The following FBXW7 variants were observed in gnomAD, a reference collection of about 807,000 sequenced individuals.
The protein encoded by FBXW7 is F-box/WD repeat-containing protein 7.
In FBXW7, 11 loss-of-function variants were observed where a neutral mutation model predicts 86.3. The observed-to-expected ratio is 0.13, with a 90% confidence interval of 0.08 to 0.21. The LOEUF (loss-of-function observed/expected upper bound fraction) is 0.21. FBXW7 is among the 10% of genes least tolerant of loss of function. The pLI is 1.00. For missense variants in FBXW7, 488 were observed against 847.4 expected (o/e 0.58, Z 5.27); for synonymous variants, 313 against 297.9 (o/e 1.05, Z -0.52).
intron 2 of FBXW7, among the ~76,000 whole-genome samples, chr4:152,500,496 CAAAAAAAAAAAA>C (rs34375454): frequency 1.4e-5 from 1 of 73,094 alleles, no homozygotes; most frequent in Non-Finnish European, 2.8e-5. Context: ...GCTTTGTCAG[CAAAAAAAAAAAA>C]AAAAAAAAAA....
At chr4:152,426,734 C>CAGG (rs1267553211) in intron 2 of FBXW7, among the ~76,000 whole-genome samples, 1 of 152,148 alleles carries the variant, frequency 6.6e-6, no homozygotes, top group African/African-American at 2.4e-5. Flanking sequence ...GGCCCTCAGC[C>CAGG]AGGACTACAG....
At chr4:152,376,597 T>A (rs1734542697) in intron 4 of FBXW7, among the ~76,000 whole-genome samples, 1 of 152,106 alleles carries the variant, frequency 6.6e-6, no homozygotes, top group African/African-American at 2.4e-5. Context: ...GATTAAAATT[T>A]TGAATATAGG....
At chr4:152,460,455 C>T (rs2149629572) in intron 2 of FBXW7, among the ~76,000 whole-genome samples, 1 of 152,150 alleles carries the variant, frequency 6.6e-6, no homozygotes, top group East Asian at 1.9e-4. Context: ...TGGTACTTGC[C>T]ATCTGGTGCC....
intron 2 of FBXW7, among the ~76,000 whole-genome samples, chr4:152,456,268 C>G (rs951034403): frequency 5.3e-5 from 8 of 149,980 alleles, no homozygotes; most frequent in African/African-American, 1.7e-4. Flanking sequence ...AATCCCTGCA[C>G]TTCTGGAGGC....
At chr4:152,423,002 T>C (rs1210148647) in intron 2 of FBXW7, among the ~76,000 whole-genome samples, 3 of 152,190 alleles carry the variant, frequency 2.0e-5, no homozygotes, top group African/African-American at 4.8e-5. Flanking sequence ...TATTTACACA[T>C]AATGCAATTC....
At chr4:152,473,067 C>A (rs1341369193) in intron 2 of FBXW7, among the ~76,000 whole-genome samples, 1 of 152,042 alleles carries the variant, frequency 6.6e-6, no homozygotes, top group African/African-American at 2.4e-5. Flanking sequence ...AGGGAGACCC[C>A]GTCTCTATGA....
At chr4:152,454,394 TTTTC>T (rs1260750076) in intron 2 of FBXW7, among the ~76,000 whole-genome samples, 1 of 152,048 alleles carries the variant, frequency 6.6e-6, no homozygotes, top group African/African-American at 2.4e-5. Flanking sequence ...CAGATAACTT[TTTTC>T]TTTTTGTTTT....
At chr4:152,368,054 T>C (rs907170921) in intron 4 of FBXW7, among the ~76,000 whole-genome samples, 2 of 151,780 alleles carry the variant, frequency 1.3e-5, no homozygotes, top group Admixed American at 6.6e-5. Context: ...TCTGAATCCA[T>C]GGCACTGACC....
At position 152,361,800 on chromosome 4, in the gene FBXW7, T is replaced by C. The variant is rs540948729; in HGVS notation, c.502-11676A>G. Among the ~76,000 whole-genome samples, 31 of 151,748 alleles carry C rather than the reference T, an allele frequency of 2.0e-4. No homozygotes were observed. In the East Asian group the frequency reaches 5.8e-3, roughly 28 times the overall value. ...CTGGCCAAGAGTGAAACCCCGACTC[T>C]ACTAAAAATACAAAAATTAGCCGGG... On this transcript the variant is annotated intron_variant, in intron 4 of 13. Transcript: ENST00000281708.
chr4:152,413,086 G>C (rs572510508), intron 2 of FBXW7, among the ~76,000 whole-genome samples: 1 of 152,102 alleles, frequency 6.6e-6, no homozygotes, highest in African/African-American at 2.4e-5. Context: ...TCTAAAACTT[G>C]AAACTGCTAA....
chr4:152,515,931 G>T (rs1748446618), intron 2 of FBXW7, among the ~76,000 whole-genome samples: 2 of 152,158 alleles, frequency 1.3e-5, no homozygotes, highest in Non-Finnish European at 2.9e-5. Flanking sequence ...GCAAGAACAT[G>T]GTGGCGGGGG....
At chr4:152,494,110 A>T (rs1746096780) in intron 2 of FBXW7, among the ~76,000 whole-genome samples, 1 of 152,198 alleles carries the variant, frequency 6.6e-6, no homozygotes. Context: ...TACTGACGAG[A>T]AGAATCAAGT....
At chr4:152,331,457 G>A (rs1729558125) in intron 8 of FBXW7, among the ~76,000 whole-genome samples, 1 of 152,034 alleles carries the variant, frequency 6.6e-6, no homozygotes, top group Non-Finnish European at 1.5e-5. Flanking sequence ...AGTGAAATAA[G>A]CTGATTACAA....
chr4:152,485,182 C>T (rs1560955719), intron 2 of FBXW7, among the ~76,000 whole-genome samples: 2 of 151,812 alleles, frequency 1.3e-5, no homozygotes, highest in Non-Finnish European at 2.9e-5. Context: ...ACATATATAA[C>T]ATAAAACAAC....
intron 2 of FBXW7, among the ~76,000 whole-genome samples, chr4:152,413,856 C>T (rs1332331364): frequency 2.6e-5 from 4 of 152,208 alleles, no homozygotes; most frequent in Non-Finnish European, 4.4e-5. Context: ...TGCATTTAAA[C>T]ATATTAAAAC....
At chr4:152,490,043 T>C (rs557667614) in intron 2 of FBXW7, among the ~76,000 whole-genome samples, 1 of 152,220 alleles carries the variant, frequency 6.6e-6, no homozygotes, top group African/African-American at 2.4e-5. Context: ...TGAATTAACT[T>C]TGAAAATATT....
intron 2 of FBXW7, among the ~76,000 whole-genome samples, chr4:152,442,991 G>A (rs986180994): frequency 1.3e-5 from 2 of 152,284 alleles, no homozygotes; most frequent in African/African-American, 4.8e-5. Context: ...GGCCAGGCGC[G>A]GTGGCTCATG....
At chr4:152,379,034 T>G (rs150537630) in intron 4 of FBXW7, among the ~76,000 whole-genome samples, 1,948 of 151,984 alleles carry the variant, frequency 0.013, 16 homozygotes, top group Non-Finnish European at 0.021. Context: ...AACCATGCAA[T>G]TATTAGTTGT....
intron 2 of FBXW7, among the ~76,000 whole-genome samples, chr4:152,454,762 A>C (rs1237137422): frequency 6.6e-6 from 1 of 152,172 alleles, no homozygotes; most frequent in Non-Finnish European, 1.5e-5. Context: ...ATGCAGAAGA[A>C]AAAGATATGG....
Sources: gnomAD v4.1 joint callset for allele counts (sites outside exome capture counted in the v4.1 genomes callset) on GRCh38, gnomAD v4.1.1 for gene constraint, MANE v1.5 for transcripts, NCBI Gene and HGNC (gene_info 2026-07-23, HGNC 2026-07-21) for gene names.